Variants in TLN2 observed in about 807,000 individuals in gnomAD.
TLN2 encodes talin 2.
In TLN2, 118 loss-of-function variants were observed where a neutral mutation model predicts 294.7. The observed-to-expected ratio is 0.40, with a 90% CI of 0.34 to 0.47. TLN2 has a LOEUF of 0.47. Ranked by LOEUF, TLN2 falls within the 20% of genes least tolerant of loss-of-function variation. The pLI is 0.84. For synonymous variants in TLN2, 1,431 were observed against 1,304.5 expected (o/e 1.10, Z -2.09); for missense variants, 3,083 against 3,282.2 (o/e 0.94, Z 1.48).
rs1000874039 is a variant in TLN2 at position 62,647,133 on chromosome 15, C to T, written c.-36-142C>T. 4 of 798,442 alleles carry T rather than the reference C, an allele frequency of 5.0e-6. No individual in the cohort carries two copies. The African/African-American group carries it at 5.2e-5, about 10-fold the overall frequency. The allele number at this position is 798,442 out of a possible 1,614,324, so 49.5% of individuals were successfully genotyped here. ...ATTGATTTGTAAAATTTGTTTTGTA[C>T]CTAAAGTGTACTCTTTATTTGCTGT... On this transcript the variant is annotated intron_variant, in intron 3 of 58. Transcript: ENST00000636159.
At chr15:62,703,886 AG>A (rs1349640983) in intron 19 of TLN2, among the ~76,000 whole-genome samples, 1 of 152,104 alleles carries the variant, frequency 6.6e-6, no homozygotes, top group Non-Finnish European at 1.5e-5. Context: ...TGTCCCTCAA[AG>A]GGTGGGGCGC....
intron 1 of TLN2, among the ~76,000 whole-genome samples, chr15:62,555,148 G>T (rs1295960504): frequency 6.6e-6 from 1 of 152,172 alleles, no homozygotes; most frequent in Admixed American, 6.5e-5. Context: ...GAAGTGCGAA[G>T]CTTTTCCTGC....
intron 1 of TLN2, among the ~76,000 whole-genome samples, chr15:62,539,698 C>T (rs995793393): frequency 2.0e-5 from 3 of 152,108 alleles, no homozygotes; most frequent in Admixed American, 6.5e-5. Flanking sequence ...AGGTGAACCA[C>T]TCGGACATTG....
intron 45 of TLN2, 58 bp downstream of exon 45, chr15:62,783,948 G>A (rs1047724857): frequency 9.4e-6 from 15 of 1,604,026 alleles, no homozygotes; most frequent in African/African-American, 1.3e-5. Context: ...GCCCACTCCT[G>A]GGTATTTCTT....
chr15:62,687,560 A>G (rs1383345619), intron 12 of TLN2, among the ~76,000 whole-genome samples: 3 of 152,254 alleles, frequency 2.0e-5, no homozygotes, highest in Non-Finnish European at 2.9e-5. Flanking sequence ...TACATGTGAA[A>G]CACAATAGAG....
Position 62,786,623 on chromosome 15 carries a change from C to T in TLN2, c.5736+2733C>T, listed in dbSNP as rs143504326. Among the ~76,000 whole-genome samples, 14 of 152,162 alleles carry T rather than the reference C, an allele frequency of 9.2e-5. No homozygotes were observed. In the East Asian group the frequency reaches 2.7e-3, roughly 29 times the overall value. On this transcript the variant is annotated intron_variant, in intron 45 of 58. Coordinates refer to ENST00000636159, the MANE Select transcript of TLN2 (RefSeq NM_015059.3). ...GTCTCTGAGGAAAATGTGCAGTAACCACTTGAAATACTGGATGCCTTAAAA... is the reference window on the plus strand; with the variant it reads ...GTCTCTGAGGAAAATGTGCAGTAACTACTTGAAATACTGGATGCCTTAAAA...
At chr15:62,769,039 T>G (rs1368146380) in intron 41 of TLN2, among the ~76,000 whole-genome samples, 2 of 152,248 alleles carry the variant, frequency 1.3e-5, no homozygotes, top group Non-Finnish European at 2.9e-5. Context: ...GGCCCAGCCA[T>G]GCTACCTCCA....
chr15:62,508,664 A>G (rs943693475), intron 1 of TLN2, among the ~76,000 whole-genome samples: 2 of 152,264 alleles, frequency 1.3e-5, no homozygotes, highest in Admixed American at 6.5e-5. Context: ...CTTGGAATGA[A>G]TGAAAAAATT....
intron 9 of TLN2, among the ~76,000 whole-genome samples, chr15:62,662,383 A>G (rs2053950655): frequency 6.6e-6 from 1 of 152,204 alleles, no homozygotes. Flanking sequence ...GAAAATAAAA[A>G]AGTAAAGCTC....
intron 52 of TLN2, among the ~76,000 whole-genome samples, chr15:62,811,119 CCTT>C (rs2141175906): frequency 6.6e-6 from 1 of 152,314 alleles, no homozygotes; most frequent in East Asian, 1.9e-4. Flanking sequence ...TTCACTGCCT[CCTT>C]CTTAGAAATA....
chr15:62,446,156 G>A (rs976258686), intron 1 of TLN2, among the ~76,000 whole-genome samples: 3 of 151,834 alleles, frequency 2.0e-5, no homozygotes, highest in Non-Finnish European at 2.9e-5. Flanking sequence ...ACAGGCGCCC[G>A]CCACCACGCC....
intron 28 of TLN2, among the ~76,000 whole-genome samples, chr15:62,728,219 A>G (rs183217841): frequency 2.0e-4 from 30 of 152,316 alleles, no homozygotes; most frequent in African/African-American, 6.3e-4. Context: ...AGCTGTAAGT[A>G]AATGGAATAA....
intron 1 of TLN2, among the ~76,000 whole-genome samples, chr15:62,402,569 C>T (rs1359807516): frequency 6.6e-6 from 1 of 152,198 alleles, no homozygotes; most frequent in African/African-American, 2.4e-5. Flanking sequence ...GTTAAGCCCA[C>T]CCTCTGCTCA....
chr15:62,559,024 G>C (rs981132431), intron 1 of TLN2, among the ~76,000 whole-genome samples: 7 of 152,122 alleles, frequency 4.6e-5, no homozygotes, highest in African/African-American at 1.7e-4. Context: ...ATTTTGGGGT[G>C]GCCTATTCTG....
At chr15:62,466,689 T>A (rs1383025149) in intron 1 of TLN2, among the ~76,000 whole-genome samples, 1 of 152,258 alleles carries the variant, frequency 6.6e-6, no homozygotes, top group East Asian at 1.9e-4. Flanking sequence ...ACTGTAGCCC[T>A]TCCAGTAGGT....
Position 62,548,449 on chromosome 15 carries a change from T to C in TLN2, c.-237-41238T>C, listed in dbSNP as rs569838850. Among the ~76,000 whole-genome samples the C allele has an allele frequency of 2.0e-5, 3 of 152,300 alleles. No individual in the cohort carries two copies. The East Asian group carries it at 5.8e-4, about 29-fold the overall frequency. On this transcript the variant is annotated intron_variant, in intron 1 of 58. Coordinates refer to ENST00000636159, the MANE Select transcript of TLN2 (RefSeq NM_015059.3). ...AAAGACAATGCATTGGCTCAATAAC[T>C]GGAAAAAGACCTACTTTTCAAGTTG... is the stretch of plus-strand genomic sequence containing the variant.
At chr15:62,701,332 G>T in intron 17 of TLN2, 118 bp downstream of exon 17, 1 of 914,490 alleles carries the variant, frequency 1.1e-6, no homozygotes, top group Non-Finnish European at 1.6e-6. Context: ...TATTATGAGA[G>T]GATAGTCTAA....
At chr15:62,523,231 G>T (rs1464043899) in intron 1 of TLN2, among the ~76,000 whole-genome samples, 2 of 152,166 alleles carry the variant, frequency 1.3e-5, no homozygotes, top group Non-Finnish European at 2.9e-5. Flanking sequence ...AGTTAAACTG[G>T]GCAATTAAGT....
chr15:62,839,444 A>G (rs187201777), intron 58 of TLN2, among the ~76,000 whole-genome samples: 1 of 152,346 alleles, frequency 6.6e-6, no homozygotes, highest in Admixed American at 6.5e-5. Context: ...ACATTATTTA[A>G]ATAAAATGAT....
Sources: gnomAD v4.1 joint callset for allele counts (sites outside exome capture counted in the v4.1 genomes callset) on GRCh38, gnomAD v4.1.1 for gene constraint, MANE v1.5 for transcripts, NCBI Gene and HGNC (gene_info 2026-07-23, HGNC 2026-07-21) for gene names.